Variants in CLIC5 observed in about 807,000 individuals in gnomAD.
CLIC5 encodes CLIC family member 5, also known as chloride intracellular channel protein 5.
In CLIC5, 20 loss-of-function variants were observed where a neutral mutation model predicts 24.7. That is an observed-to-expected ratio of 0.81 (90% CI 0.57 to 1.18). CLIC5 has a LOEUF of 1.18. CLIC5 is among the 50% of genes most tolerant of loss of function. CLIC5 has a pLI of 0.00. For missense variants in CLIC5, 341 were observed against 326.1 expected (o/e 1.05, Z -0.35); for synonymous variants, 159 against 135.6 (o/e 1.17, Z -1.20).
chr6:46,044,184 C>T (rs1316679498), intron 1 of CLIC5, among the ~76,000 whole-genome samples: 1 of 152,100 alleles, frequency 6.6e-6, no homozygotes, highest in Non-Finnish European at 1.5e-5. Context: ...TGGAAGATGC[C>T]ATCTGTTGTG....
chr6:46,075,257 T>C (rs1362720895), intron 1 of CLIC5, among the ~76,000 whole-genome samples: 2 of 152,142 alleles, frequency 1.3e-5, no homozygotes, highest in Non-Finnish European at 2.9e-5. Context: ...TTCAAATCCA[T>C]GCAACCAGAC....
At chr6:45,904,647 CCTTTCCTTCCCTCCCTA>C (rs1762602903) in intron 5 of CLIC5, among the ~76,000 whole-genome samples, 1 of 8,930 alleles carries the variant, frequency 1.1e-4, no homozygotes. Context: ...CTTTTCTGTC[CCTTTCCTTCCCTCCCTA>C]CTCCCTTCCT....
chr6:45,984,170 A>T (rs1383745041), intron 1 of CLIC5, among the ~76,000 whole-genome samples: 1 of 152,244 alleles, frequency 6.6e-6, no homozygotes, highest in African/African-American at 2.4e-5. Flanking sequence ...CTAGAGATTT[A>T]AAAAAGTACT....
chr6:46,108,894 G>A, the CLIC5 span, among the ~76,000 whole-genome samples: 4 of 151,830 alleles, frequency 2.6e-5, no homozygotes, highest in African/African-American at 7.3e-5. Context: ...TTAACTTTTT[G>A]TATATTAGGG....
At chr6:46,020,223 A>G (rs1459513523), upstream of CLIC5, among the ~76,000 whole-genome samples, 1 of 152,194 alleles carries the variant, frequency 6.6e-6, no homozygotes, top group Non-Finnish European at 1.5e-5. Flanking sequence ...AATTATACAA[A>G]GTATGTTCTC....
intron 1 of CLIC5, among the ~76,000 whole-genome samples, chr6:46,034,612 A>T (rs2127457496): frequency 6.6e-6 from 1 of 152,290 alleles, no homozygotes; most frequent in South Asian, 2.1e-4. Flanking sequence ...TTTAAAAAAA[A>T]TTAAAAAAGG....
intron 1 of CLIC5, among the ~76,000 whole-genome samples, chr6:45,983,833 T>C (rs757523183): frequency 6.6e-6 from 1 of 152,216 alleles, no homozygotes; most frequent in Non-Finnish European, 1.5e-5. Flanking sequence ...AAATTAGTCC[T>C]CCAGTTATTT....
rs34935571 is a variant in CLIC5 at position 46,002,240 on chromosome 6, AT to A, written c.63+13239del. 2.2e-5 allele frequency among the ~76,000 whole-genome samples: 3 copies of A among 138,366 alleles called. 1 individual carries two copies. Among genetic ancestry groups the A allele is most frequent in the South Asian group, 4.9e-4 (2 of 4,114 alleles). The allele number at this position is 138,366 out of a possible 152,430, so 90.8% of individuals were successfully genotyped here. ...TATAGTGCCTAGTGAATAGTCTGTA[AT>A]TTTTTTTGTTGTTGTTGTTGTTGGA... On this transcript the variant is annotated intron_variant, in intron 1 of 5. Coordinates refer to ENST00000339561, the MANE Select transcript of CLIC5 (RefSeq NM_016929.5).
intron 1 of CLIC5, among the ~76,000 whole-genome samples, chr6:46,030,753 G>A (rs758342773): frequency 7.6e-4 from 116 of 152,236 alleles, no homozygotes; most frequent in African/African-American, 2.6e-3. Context: ...CTTTCTTCAT[G>A]TTTCCTCATC....
At chr6:46,109,964 C>A in the CLIC5 span, among the ~76,000 whole-genome samples, 2 of 151,968 alleles carry the variant, frequency 1.3e-5, no homozygotes, top group Non-Finnish European at 2.9e-5. Context: ...GGAAGGCTAC[C>A]CTCACCCACC....
chr6:45,888,828 A>C (rs1189902838), intron 6 of CLIC5, among the ~76,000 whole-genome samples: 1 of 152,212 alleles, frequency 6.6e-6, no homozygotes, highest in African/African-American at 2.4e-5. Flanking sequence ...TTGCTAGCCA[A>C]CACAGATATA....
At chr6:45,991,659 A>G (rs747572596) in intron 1 of CLIC5, among the ~76,000 whole-genome samples, 2 of 152,216 alleles carry the variant, frequency 1.3e-5, no homozygotes, top group Admixed American at 6.5e-5. Flanking sequence ...ACAGGCTTGT[A>G]TTGGAGGAAG....
At chr6:46,113,687 C>G in the CLIC5 span, among the ~76,000 whole-genome samples, 4 of 152,102 alleles carry the variant, frequency 2.6e-5, no homozygotes, top group African/African-American at 9.7e-5. Flanking sequence ...CCTTAAAGTT[C>G]ATATATTGAA....
chr6:45,964,301 C>G (rs974660583), intron 1 of CLIC5, among the ~76,000 whole-genome samples: 2 of 152,182 alleles, frequency 1.3e-5, no homozygotes, highest in Admixed American at 1.3e-4. Flanking sequence ...TGACACCAAC[C>G]AGCAGAAAAA....
chr6:46,050,020 T>C (rs1009705615), intron 1 of CLIC5, among the ~76,000 whole-genome samples: 1 of 152,212 alleles, frequency 6.6e-6, no homozygotes, highest in Non-Finnish European at 1.5e-5. Context: ...GTGGGATATA[T>C]GTTCAGAAAT....
intron 2 of CLIC5, among the ~76,000 whole-genome samples, chr6:45,950,527 C>T (rs1764436278): frequency 6.6e-6 from 1 of 152,162 alleles, no homozygotes; most frequent in Non-Finnish European, 1.5e-5. Flanking sequence ...CCGTTGATGG[C>T]ACCACTGCCC....
chr6:45,888,568 G>A (rs78526737), intron 6 of CLIC5, among the ~76,000 whole-genome samples: 3,345 of 152,224 alleles, frequency 0.022, 120 homozygotes, highest in African/African-American at 0.076. Flanking sequence ...GCCTTAAACA[G>A]CCTGTTTTTG....
intron 1 of CLIC5, among the ~76,000 whole-genome samples, chr6:46,060,870 T>C (rs1329772940): frequency 6.6e-6 from 1 of 152,228 alleles, no homozygotes; most frequent in African/African-American, 2.4e-5. Context: ...ACTCTAGCAT[T>C]AATTCCTAAG....
At chr6:45,997,657 C>T (rs1012379502) in intron 1 of CLIC5, among the ~76,000 whole-genome samples, 1 of 152,040 alleles carries the variant, frequency 6.6e-6, no homozygotes, top group African/African-American at 2.4e-5. Flanking sequence ...TAAAAATACT[C>T]CCAAAATACA....
Sources: gnomAD v4.1 joint callset for allele counts (sites outside exome capture counted in the v4.1 genomes callset) on GRCh38, gnomAD v4.1.1 for gene constraint, MANE v1.5 for transcripts, NCBI Gene and HGNC (gene_info 2026-07-23, HGNC 2026-07-21) for gene names.